The following LRMDA variants were observed in gnomAD, a reference collection of about 807,000 sequenced individuals.
LRMDA encodes the protein leucine-rich melanocyte differentiation-associated protein.
LRMDA carries 18 observed loss-of-function variants against 29.8 expected under a neutral mutation model. The observed-to-expected ratio is 0.60, with a 90% CI of 0.42 to 0.90. The LOEUF (loss-of-function observed/expected upper bound fraction) is 0.90, where lower values mean the gene tolerates loss of function less well. LRMDA is among the 40% of genes least tolerant of loss of function. The pLI is 0.00. For missense variants in LRMDA, 273 were observed against 273.9 expected (o/e 1.00, Z 0.02); for synonymous variants, 125 against 109.4 (o/e 1.14, Z -0.89).
chr10:75,850,557 C>T (rs1844714575), intron 2 of LRMDA, among the ~76,000 whole-genome samples: 1 of 152,114 alleles, frequency 6.6e-6, no homozygotes. Flanking sequence ...ATCTGGGTTT[C>T]CAAGAGGTAC....
chr10:76,502,298 C>A (rs1466746517), intron 6 of LRMDA, among the ~76,000 whole-genome samples: 1 of 151,834 alleles, frequency 6.6e-6, no homozygotes, highest in Non-Finnish European at 1.5e-5. Flanking sequence ...TAGTGTGGTG[C>A]CTCCAGTTTT....
chr10:75,989,562 C>G (rs114114290), intron 2 of LRMDA, among the ~76,000 whole-genome samples: 1 of 152,206 alleles, frequency 6.6e-6, no homozygotes, highest in African/African-American at 2.4e-5. Flanking sequence ...CAATTTGACA[C>G]GAGATTTTGT....
intron 2 of LRMDA, among the ~76,000 whole-genome samples, chr10:75,961,977 C>A (rs1846775989): frequency 6.6e-6 from 1 of 152,172 alleles, no homozygotes; most frequent in Non-Finnish European, 1.5e-5. Flanking sequence ...CTGCCTCCAT[C>A]TTCACCTGGC....
At chr10:76,326,022 G>A (rs979239625) in intron 6 of LRMDA, among the ~76,000 whole-genome samples, 11 of 152,124 alleles carry the variant, frequency 7.2e-5, no homozygotes, top group Non-Finnish European at 1.2e-4. Context: ...ATGTAAAGAC[G>A]TTATTTAAAG....
chr10:76,346,431 T>C (rs1470425767), intron 6 of LRMDA: 1 of 152,206 alleles, frequency 6.6e-6, no homozygotes, highest in Non-Finnish European at 1.5e-5. Flanking sequence ...CTTCTTCAGA[T>C]TTAAATATTC....
At chr10:75,501,246 A>G (rs1200631743) in intron 2 of LRMDA, among the ~76,000 whole-genome samples, 3 of 152,168 alleles carry the variant, frequency 2.0e-5, no homozygotes, top group African/African-American at 4.8e-5. Context: ...AATATGTACA[A>G]TTCTTTCTTT....
At chr10:76,307,239 C>G (rs1367787207) in intron 5 of LRMDA, among the ~76,000 whole-genome samples, 1 of 152,150 alleles carries the variant, frequency 6.6e-6, no homozygotes. Context: ...AACTAAGATC[C>G]TGAAAGGTAT....
rs1296950836 is a variant in LRMDA, at chr10:75,431,655, T to TGCCGCGCTCCCCGCTGCTGCC, written c.-62_-42dup. On this transcript the variant is annotated 5_prime_UTR_variant, in exon 1 of 7. Coordinates refer to ENST00000611255, the MANE Select transcript of LRMDA (RefSeq NM_001305581.2). ...GAACTGTGCGCCCGCCGCGCTCCCC[T>TGCCGCGCTCCCCGCTGCTGCC]GCCGCGCTCCCCGCTGCTGCCGCCG... 4 of 1,219,702 alleles carry TGCCGCGCTCCCCGCTGCTGCC rather than the reference T, an allele frequency of 3.3e-6. No individual in the cohort carries two copies. Among genetic ancestry groups the TGCCGCGCTCCCCGCTGCTGCC allele is most frequent in the Non-Finnish European group, 4.1e-6 (4 of 980,774 alleles). The allele number at this position is 1,219,702 out of a possible 1,614,324, so 75.6% of individuals were successfully genotyped here.
At chr10:76,185,435 C>T (rs1472032684) in intron 5 of LRMDA, among the ~76,000 whole-genome samples, 1 of 152,152 alleles carries the variant, frequency 6.6e-6, no homozygotes, top group East Asian at 1.9e-4. Flanking sequence ...TGGTATTTTT[C>T]TTTCAAAGAG....
chr10:75,518,943 G>T (rs1237639754), intron 2 of LRMDA, among the ~76,000 whole-genome samples: 2 of 152,114 alleles, frequency 1.3e-5, no homozygotes, highest in African/African-American at 4.8e-5. Flanking sequence ...ATTTATTTCT[G>T]CCTTCATTTC....
intron 2 of LRMDA, among the ~76,000 whole-genome samples, chr10:75,509,563 C>T (rs1023381892): frequency 6.6e-6 from 1 of 152,116 alleles, no homozygotes; most frequent in Non-Finnish European, 1.5e-5. Flanking sequence ...GTATTTCTTC[C>T]AGGCCTTATT....
At chr10:76,255,460 C>A (rs1051911294) in intron 5 of LRMDA, among the ~76,000 whole-genome samples, 19 of 152,278 alleles carry the variant, frequency 1.2e-4, no homozygotes, top group African/African-American at 3.4e-4. Flanking sequence ...CCCACTGTTA[C>A]CCATCTCAAC....
At chr10:76,055,961 G>A (rs2132051519) in intron 4 of LRMDA, among the ~76,000 whole-genome samples, 1 of 152,356 alleles carries the variant, frequency 6.6e-6, no homozygotes, top group East Asian at 1.9e-4. Flanking sequence ...ACATGTTTCA[G>A]CCCTGTTTGT....
At chr10:76,329,102 G>A (rs767493098) in intron 6 of LRMDA, among the ~76,000 whole-genome samples, 15 of 152,240 alleles carry the variant, frequency 9.9e-5, no homozygotes, top group East Asian at 7.7e-4. Context: ...TTATCCATGC[G>A]TTGCCCTGCT....
intron 2 of LRMDA, among the ~76,000 whole-genome samples, chr10:75,899,374 C>T (rs573271882): frequency 1.1e-4 from 17 of 152,294 alleles, no homozygotes; most frequent in East Asian, 5.8e-4. Flanking sequence ...CTATGAAATG[C>T]GTTAAGTTCT....
intron 2 of LRMDA, among the ~76,000 whole-genome samples, chr10:75,747,006 A>G (rs140414187): frequency 8.2e-4 from 125 of 152,252 alleles, no homozygotes; most frequent in African/African-American, 2.8e-3. Context: ...GGTTCTGAAG[A>G]TATCTATGGG....
intron 2 of LRMDA, among the ~76,000 whole-genome samples, chr10:75,892,431 C>T (rs1383715499): frequency 6.6e-6 from 1 of 152,178 alleles, no homozygotes; most frequent in Non-Finnish European, 1.5e-5. Context: ...TTCCAACTCA[C>T]TACTTACAGG....
chr10:75,654,063 C>A (rs932557544), intron 2 of LRMDA, among the ~76,000 whole-genome samples: 3 of 146,868 alleles, frequency 2.0e-5, no homozygotes, highest in Non-Finnish European at 4.4e-5. Context: ...TGATCAGGCA[C>A]TGCCCCTAAT....
chr10:75,719,008 A>G (rs1842534311), intron 2 of LRMDA, among the ~76,000 whole-genome samples: 1 of 152,264 alleles, frequency 6.6e-6, no homozygotes, highest in African/African-American at 2.4e-5. Flanking sequence ...TTAACAAATC[A>G]TCAGAAAGAT....
Sources: allele counts gnomAD v4.1 joint callset (sites outside exome capture counted in the v4.1 genomes callset), GRCh38; gene constraint gnomAD v4.1.1; transcripts MANE v1.5; gene names NCBI Gene and HGNC (gene_info 2026-07-23, HGNC 2026-07-21).